Variants in PMEPA1 observed in about 807,000 individuals in gnomAD.
The protein encoded by PMEPA1 is protein TMEPAI.
A neutral mutation model predicts 23.0 loss-of-function variants in PMEPA1; 11 were observed. The ratio of observed to expected loss-of-function variants is 0.48; its 90% CI spans 0.30 to 0.79. PMEPA1 has a LOEUF of 0.79. Ranked by LOEUF, PMEPA1 falls within the 30% of genes least tolerant of loss-of-function variation. PMEPA1 has a pLI of 0.06. For missense variants in PMEPA1, 377 were observed against 390.9 expected, an observed-to-expected ratio of 0.96 and a Z score of 0.30; for synonymous variants, 204 against 166.4, an observed-to-expected ratio of 1.23 and a Z score of -1.74.
At position 57,704,649 on chromosome 20, in the gene PMEPA1, C is replaced by T. The variant is rs968743305; in HGVS notation, c.109+4825G>A. On this transcript the variant is annotated intron_variant, in intron 1 of 3. Transcript: ENST00000341744. This position sits in a 1 kb window ranked among gnomAD's most constrained non-coding sequence, Gnocchi z 4.6. ...AACACCTGAAGAGAGAAGGCCACAC[C>T]GATCCTCAGGTTTGGACCCTGCCAC... Among the ~76,000 whole-genome samples the T allele has an allele frequency of 1.3e-5, 2 of 152,186 alleles. No homozygotes were observed. The highest frequency in any genetic ancestry group is 2.4e-5 in the African/African-American group (1 of 41,448).
rs186359007 is a variant in PMEPA1 at position 57,666,275 on chromosome 20, C to T, written c.110-6578G>A. On this transcript the variant is annotated intron_variant, in intron 1 of 3. Coordinates refer to ENST00000341744, the MANE Select transcript of PMEPA1 (RefSeq NM_020182.5). ...CTGGGAGGTGCGGGCACAGCTCTGCCCTGTCCTGTTTGTCCTACACTGGCA... is the reference window on the plus strand; with the variant it reads ...CTGGGAGGTGCGGGCACAGCTCTGCTCTGTCCTGTTTGTCCTACACTGGCA... Among the ~76,000 whole-genome samples the T allele has an allele frequency of 3.3e-5, 5 of 152,216 alleles. No homozygotes were observed. The East Asian group carries it at 9.7e-4, about 29-fold the overall frequency.
intron 1 of PMEPA1, among the ~76,000 whole-genome samples, chr20:57,681,593 T>C (rs1208104697): frequency 1.3e-5 from 2 of 152,190 alleles, no homozygotes; most frequent in Non-Finnish European, 2.9e-5. Flanking sequence ...GCAACCATTG[T>C]CGTTTCACGT....
intron 1 of PMEPA1, 150 bp downstream of exon 1, chr20:57,709,324 G>C (rs1482682355): frequency 5.4e-6 from 2 of 372,298 alleles, no homozygotes. Flanking sequence ...GAGCCGGGAG[G>C]GCGCGCCCGG....
chr20:57,665,447 T>C (rs967963707), intron 1 of PMEPA1, among the ~76,000 whole-genome samples: 7 of 149,596 alleles, frequency 4.7e-5, no homozygotes, highest in Non-Finnish European at 8.8e-5. Context: ...TCCTCGTGCA[T>C]CCATTGTCTG....
In PMEPA1 at chr20:57,651,973, T is replaced by C; in HGVS notation, c.*80A>G. The C allele has an allele frequency of 8.0e-7, 1 of 1,253,042 alleles. No homozygotes were observed. The highest frequency in any genetic ancestry group is 2.7e-5 in the East Asian group (1 of 37,482). 77.6% of individuals were successfully genotyped at this position (1,253,042 alleles called of 1,614,324 possible). ...CGATGCGTTGCTGCGCCCCCCGCCT[T>C]CCTCTCACTCCTCTTCTAAGAAGCG... On this transcript the variant is annotated 3_prime_UTR_variant, in exon 4 of 4. Transcript: ENST00000341744.
Position 57,655,273 on chromosome 20 carries a change from G to A in PMEPA1, c.265-2187C>T, listed in dbSNP as rs1405434561. 6.6e-6 allele frequency among the ~76,000 whole-genome samples: 1 copy of A among 152,078 alleles called. No homozygotes were observed. The highest frequency in any genetic ancestry group is 1.5e-5 in the Non-Finnish European group (1 of 68,018). ...GACTGGCCCCTCAAGCCTCTGCCCA[G>A]GTGTGCTAACCCCAGAGCTCTCCGT... On this transcript the variant is annotated intron_variant, in intron 2 of 3. Coordinates refer to ENST00000341744, the MANE Select transcript of PMEPA1 (RefSeq NM_020182.5). The surrounding 1 kb of genome is among the most constrained non-coding windows in gnomAD (Gnocchi z 4.2).
chr20:57,675,312 A>T (rs74855498), intron 1 of PMEPA1, among the ~76,000 whole-genome samples: 2,880 of 152,244 alleles, frequency 0.019, 50 homozygotes, highest in Non-Finnish European at 0.028. Context: ...CACCCCGAAA[A>T]GCAGCCTCCA....
At position 57,651,427 on chromosome 20, in the gene PMEPA1, TA is replaced by T. The variant is rs1296799847; in HGVS notation, c.*625del. The T allele has an allele frequency of 2.0e-5, 3 of 152,680 alleles. No homozygotes were observed. The highest frequency in any genetic ancestry group is 4.4e-5 in the Non-Finnish European group (3 of 68,038). The allele number at this position is 152,680 out of a possible 1,614,324, so 9.5% of individuals were successfully genotyped here. On this transcript the variant is annotated 3_prime_UTR_variant, in exon 4 of 4. Transcript: ENST00000341744. ...CAAGCAAGCACTGACATATTTATATTAAAAAATAGTGCAAAATCTCAACATT... is the reference window on the plus strand; with the variant it reads ...CAAGCAAGCACTGACATATTTATATTAAAAATAGTGCAAAATCTCAACATT...
Position 57,704,242 on chromosome 20 carries a change from C to T in PMEPA1, c.109+5232G>A, listed in dbSNP as rs1455215981. Among the ~76,000 whole-genome samples, 1 of 152,184 alleles carries T rather than the reference C, an allele frequency of 6.6e-6. No homozygotes were observed. Among genetic ancestry groups the T allele is most frequent in the Non-Finnish European group, 1.5e-5 (1 of 68,030 alleles). On this transcript the variant is annotated intron_variant, in intron 1 of 3. Transcript: ENST00000341744. This position sits in a 1 kb window ranked among gnomAD's most constrained non-coding sequence, Gnocchi z 4.6. Reference sequence around the variant, plus strand: ...GGTGGGCTGAGCAGTGGCCACAGTGCCTTTAAACTGGACTCTTGCCCCTGG... The same window carrying T: ...GGTGGGCTGAGCAGTGGCCACAGTGTCTTTAAACTGGACTCTTGCCCCTGG...
chr20:57,670,230 G>A lies in PMEPA1; in HGVS notation c.110-10533C>T, dbSNP rs565804596. On this transcript the variant is annotated intron_variant, in intron 1 of 3. Transcript: ENST00000341744. Reference sequence around the variant, plus strand: ...TGGGGGGGGTAGTACATGGAGCCAGGCATGCAGGCTGCCCTGTGGCACCCA... The same window carrying A: ...TGGGGGGGGTAGTACATGGAGCCAGACATGCAGGCTGCCCTGTGGCACCCA... Among the ~76,000 whole-genome samples, 35 of 152,254 alleles carry A rather than the reference G, an allele frequency of 2.3e-4. No individual in the cohort carries two copies. In the East Asian group the frequency reaches 6.0e-3, roughly 26 times the overall value.
At chr20:57,667,897 C>T (rs77991760) in intron 1 of PMEPA1, among the ~76,000 whole-genome samples, 23 of 152,256 alleles carry the variant, frequency 1.5e-4, no homozygotes, top group Admixed American at 1.2e-3. Context: ...TCAAACCAGC[C>T]GTCAAAGGAA....
chr20:57,659,105 T>A (rs1368278474), intron 2 of PMEPA1, among the ~76,000 whole-genome samples: 4 of 151,946 alleles, frequency 2.6e-5, no homozygotes, highest in Non-Finnish European at 4.4e-5. Flanking sequence ...TAGCCGAGGG[T>A]TCCTCGCAGA....
At chr20:57,686,149 C>T (rs146812325) in intron 1 of PMEPA1, among the ~76,000 whole-genome samples, 21 of 152,300 alleles carry the variant, frequency 1.4e-4, no homozygotes, top group Non-Finnish European at 2.8e-4. Flanking sequence ...GTGCGCTGAC[C>T]TCTCCTTCAG....
At chr20:57,707,288 C>A (rs2072102792) in intron 1 of PMEPA1, among the ~76,000 whole-genome samples, 1 of 152,198 alleles carries the variant, frequency 6.6e-6, no homozygotes, top group South Asian at 2.1e-4. Flanking sequence ...CCAGGAGACA[C>A]CAGGCCTTAC....
Position 57,652,264 on chromosome 20 carries a change from C to T in PMEPA1, c.653G>A (p.Cys218Tyr). The change falls in exon 4 of 4, where the codon TGC becomes TAC. Residue 218 changes from cysteine to tyrosine, a missense_variant. Cys to Tyr is a radical substitution (Grantham distance 194). Transcript: ENST00000341744. This position sits in a 1 kb window ranked among gnomAD's most constrained non-coding sequence, Gnocchi z 6.1. ...PSSNSGISAT[C>Y]YGSGGRMEGP... Reference sequence around the variant, plus strand: ...CTCCATGCGCCCGCCGCTGCCGTAGCACGTGGCGCTGATGCCCGAGTTACT... The same window carrying T: ...CTCCATGCGCCCGCCGCTGCCGTAGTACGTGGCGCTGATGCCCGAGTTACT... 6.2e-7 allele frequency: 1 copy of T among 1,608,440 alleles called. No individual in the cohort carries two copies. Among genetic ancestry groups the T allele is most frequent in the Non-Finnish European group, 8.5e-7 (1 of 1,179,412 alleles).
At position 57,709,967 on chromosome 20, in the gene PMEPA1, A is replaced by G; in HGVS notation, c.-385T>C. 1 of 996,856 alleles carries G rather than the reference A, an allele frequency of 1.0e-6. No homozygotes were observed. The highest frequency in any genetic ancestry group is 1.2e-6 in the Non-Finnish European group (1 of 839,078). 61.8% of individuals were successfully genotyped at this position (996,856 alleles called of 1,614,324 possible). On this transcript the variant is annotated 5_prime_UTR_variant, in exon 1 of 4. Transcript: ENST00000341744. ...CTCCTCCTCATTCAAGTCCAAGGAG[A>G]TCGGGTTTCGCTCCGAGACCGCGGT... is the stretch of plus-strand genomic sequence containing the variant.
chr20:57,668,213 G>A (rs1490962279), intron 1 of PMEPA1, among the ~76,000 whole-genome samples: 1 of 152,178 alleles, frequency 6.6e-6, no homozygotes, highest in African/African-American at 2.4e-5. Flanking sequence ...GGTGGGGACT[G>A]GGGCCCACAT....
intron 1 of PMEPA1, among the ~76,000 whole-genome samples, chr20:57,668,850 C>A (rs1334882211): frequency 6.6e-6 from 1 of 152,236 alleles, no homozygotes; most frequent in Non-Finnish European, 1.5e-5. Context: ...TCCTCAATAT[C>A]TTCATGGCTT....
intron 1 of PMEPA1, among the ~76,000 whole-genome samples, chr20:57,668,710 T>C (rs1937044815): frequency 6.6e-6 from 1 of 152,220 alleles, no homozygotes; most frequent in African/African-American, 2.4e-5. Flanking sequence ...TGATCACCCA[T>C]TTCCAGTTCC....
Sources: allele counts gnomAD v4.1 joint callset (sites outside exome capture counted in the v4.1 genomes callset), GRCh38; gene constraint gnomAD v4.1.1; non-coding constraint Gnocchi (gnomAD v3.1); transcripts MANE v1.5; gene names NCBI Gene and HGNC (gene_info 2026-07-23, HGNC 2026-07-21).